Variants in DPP6 observed in about 807,000 individuals in gnomAD.
DPP6 encodes A-type potassium channel modulatory protein DPP6.
In DPP6, 69 loss-of-function variants were observed where a neutral mutation model predicts 122.6. The ratio of observed to expected loss-of-function variants is 0.56; its 90% CI spans 0.46 to 0.69. The LOEUF is 0.69. DPP6 is among the 30% of genes least tolerant of loss of function. The pLI is 0.00. For missense variants in DPP6, 928 were observed against 1,116.9 expected (o/e 0.83, Z 2.41); for synonymous variants, 418 against 433.1 (o/e 0.97, Z 0.43).
chr7:154,079,722 G>A (rs1161325155), intron 1 of DPP6, among the ~76,000 whole-genome samples: 3 of 152,076 alleles, frequency 2.0e-5, no homozygotes, highest in Non-Finnish European at 4.4e-5. Context: ...AGACTGCTCT[G>A]ACAATCAGAG....
At chr7:153,962,091 C>T (rs1795382560) in intron 1 of DPP6, among the ~76,000 whole-genome samples, 1 of 150,918 alleles carries the variant, frequency 6.6e-6, no homozygotes, top group South Asian at 2.1e-4. Flanking sequence ...CTGGGAAAGG[C>T]TGTCTTGTTC....
At chr7:154,090,161 GC>G (rs1804702999) in intron 1 of DPP6, among the ~76,000 whole-genome samples, 1 of 151,738 alleles carries the variant, frequency 6.6e-6, no homozygotes, top group South Asian at 2.1e-4. Context: ...AGTCTCTGGA[GC>G]CATTCGTTGG....
At chr7:154,745,093 A>G (rs1258779647) in intron 8 of DPP6, among the ~76,000 whole-genome samples, 1 of 152,248 alleles carries the variant, frequency 6.6e-6, no homozygotes, top group African/African-American at 2.4e-5. Context: ...TGGAAAATTA[A>G]CTGCAGTCTT....
intron 1 of DPP6, among the ~76,000 whole-genome samples, chr7:154,333,949 GA>G (rs1306804454): frequency 6.6e-6 from 1 of 152,174 alleles, no homozygotes; most frequent in African/African-American, 2.4e-5. Context: ...GCTGTAATTA[GA>G]AATTAGATTT....
chr7:154,753,796 G>A (rs905489602), intron 8 of DPP6, among the ~76,000 whole-genome samples: 1 of 152,088 alleles, frequency 6.6e-6, no homozygotes, highest in Non-Finnish European at 1.5e-5. Flanking sequence ...CCCTCCATCC[G>A]CATCCAAGAA....
intron 10 of DPP6, among the ~76,000 whole-genome samples, chr7:154,778,325 C>T (rs1185358863): frequency 6.6e-6 from 1 of 152,032 alleles, no homozygotes. Flanking sequence ...ATGCCAGATG[C>T]CCCCAGCTCC....
At chr7:154,390,569 A>G (rs995235756) in intron 1 of DPP6, among the ~76,000 whole-genome samples, 1 of 152,326 alleles carries the variant, frequency 6.6e-6, no homozygotes. Flanking sequence ...ACTGTAAGAC[A>G]TGGGTAAGAA....
In DPP6 at chr7:154,540,533, T is replaced by C; in HGVS notation, c.459T>C (p.Asp153=). 4 of 1,594,400 alleles carry C rather than the reference T, an allele frequency of 2.5e-6. No individual in the cohort carries two copies. The highest frequency in any genetic ancestry group is 3.4e-6 in the Non-Finnish European group (4 of 1,164,508). ...IHDPEAKWIS[D]TEFIYREQKG... is the part of the protein sequence containing the mutation. Reference sequence around the variant, plus strand: ...TTTTTTCTACTTCCTCTCTTACAGATACAGAATTCATCTACAGAGAACAGA... The same window carrying C: ...TTTTTTCTACTTCCTCTCTTACAGACACAGAATTCATCTACAGAGAACAGA... Residue 153 remains aspartate (D), a splice_region_variant and synonymous_variant, in exon 4 of 26, where the codon GAT becomes GAC. Transcript: ENST00000377770.
intron 1 of DPP6, among the ~76,000 whole-genome samples, chr7:154,357,326 G>A (rs922931803): frequency 3.5e-5 from 5 of 143,756 alleles, no homozygotes; most frequent in East Asian, 4.1e-4. Context: ...ATCAGCTATC[G>A]TAGTTCATCT....
chr7:154,887,445 C>T (rs908960769), intron 22 of DPP6, among the ~76,000 whole-genome samples: 25 of 152,282 alleles, frequency 1.6e-4, no homozygotes, highest in African/African-American at 5.5e-4. Context: ...ATTGCAACAC[C>T]GGCACTCACA....
At chr7:154,289,961 G>A (rs1805099314) in intron 1 of DPP6, among the ~76,000 whole-genome samples, 1 of 152,192 alleles carries the variant, frequency 6.6e-6, no homozygotes, top group Non-Finnish European at 1.5e-5. Flanking sequence ...GGAAGAAAAT[G>A]TGATGCTTGC....
intron 1 of DPP6, among the ~76,000 whole-genome samples, chr7:154,441,185 T>C (rs987339005): frequency 1.3e-5 from 2 of 152,166 alleles, no homozygotes; most frequent in African/African-American, 2.4e-5. Context: ...AATTTCTGAT[T>C]TCCCCTCATT....
At chr7:154,381,933 G>T (rs1813647766) in intron 1 of DPP6, among the ~76,000 whole-genome samples, 1 of 152,094 alleles carries the variant, frequency 6.6e-6, no homozygotes, top group Non-Finnish European at 1.5e-5. Flanking sequence ...CTCCAGAGGG[G>T]TCATGGGATG....
chr7:154,712,077 A>G (rs1179257508), intron 7 of DPP6, among the ~76,000 whole-genome samples: 1 of 152,178 alleles, frequency 6.6e-6, no homozygotes, highest in African/African-American at 2.4e-5. Context: ...TGACTTTTGG[A>G]AAAGTCAAAT....
chr7:154,236,590 C>T (rs992415550), intron 1 of DPP6, among the ~76,000 whole-genome samples: 12 of 152,102 alleles, frequency 7.9e-5, no homozygotes, highest in Admixed American at 7.9e-4. Flanking sequence ...CCGTTTATTT[C>T]TCACTAAACC....
intron 5 of DPP6, among the ~76,000 whole-genome samples, chr7:154,570,650 ATG>A (rs1273295683): frequency 2.0e-5 from 3 of 152,180 alleles, no homozygotes; most frequent in Non-Finnish European, 4.4e-5. Context: ...TATTCTAGAA[ATG>A]TGGGATCATG....
At chr7:154,132,521 T>G (rs1307792888) in intron 1 of DPP6, among the ~76,000 whole-genome samples, 2 of 152,122 alleles carry the variant, frequency 1.3e-5, no homozygotes, top group African/African-American at 4.8e-5. Context: ...CCCACTATAT[T>G]TTTTATCCCT....
chr7:154,119,255 G>A (rs1429418400), intron 1 of DPP6, among the ~76,000 whole-genome samples: 1 of 152,168 alleles, frequency 6.6e-6, no homozygotes, highest in South Asian at 2.1e-4. Flanking sequence ...GGTTTTCATC[G>A]TGTAACTGAA....
chr7:154,820,011 G>A (rs935879342), intron 16 of DPP6, among the ~76,000 whole-genome samples: 5 of 152,190 alleles, frequency 3.3e-5, no homozygotes, highest in East Asian at 1.9e-4. Context: ...GAGCTGTGCC[G>A]CAGGTGGCCA....
Sources: gnomAD v4.1 joint callset for allele counts (sites outside exome capture counted in the v4.1 genomes callset) on GRCh38, gnomAD v4.1.1 for gene constraint, MANE v1.5 for transcripts, NCBI Gene and HGNC (gene_info 2026-07-23, HGNC 2026-07-21) for gene names.